Variants in LARGE1 observed in about 807,000 individuals in gnomAD.
LARGE1 encodes the protein LARGE xylosyl- and glucuronyltransferase 1.
In LARGE1, 43 loss-of-function variants were observed where a neutral mutation model predicts 87.6. That is an observed-to-expected ratio of 0.49 (90% CI 0.38 to 0.63). LARGE1 has a LOEUF of 0.63. Ranked by LOEUF, LARGE1 falls within the 30% of genes least tolerant of loss-of-function variation. LARGE1 has a pLI of 0.00. For missense variants in LARGE1, 802 were observed against 1,000.2 expected (o/e 0.80, Z 2.67); for synonymous variants, 434 against 394.6 (o/e 1.10, Z -1.18).
At chr22:33,396,465 G>C (rs1307356033) in intron 7 of LARGE1, among the ~76,000 whole-genome samples, 3 of 112,500 alleles carry the variant, frequency 2.7e-5, no homozygotes, top group Admixed American at 2.4e-4. Flanking sequence ...GAGAGTGACA[G>C]AGAGAGAGAG....
chr22:33,606,184 T>A (rs1294998260), intron 4 of LARGE1, among the ~76,000 whole-genome samples: 1 of 152,098 alleles, frequency 6.6e-6, no homozygotes, highest in East Asian at 1.9e-4. Context: ...GGTGGGTAGA[T>A]AATGAGATCA....
At chr22:33,300,334 T>C (rs760381358) in intron 12 of LARGE1, among the ~76,000 whole-genome samples, 1 of 152,204 alleles carries the variant, frequency 6.6e-6, no homozygotes, top group Non-Finnish European at 1.5e-5. Flanking sequence ...TGGCACATGG[T>C]AAGGGCTCAG....
chr22:33,665,941 A>G (rs945523406), intron 2 of LARGE1, among the ~76,000 whole-genome samples: 4 of 152,184 alleles, frequency 2.6e-5, no homozygotes, highest in African/African-American at 9.7e-5. Flanking sequence ...GGGCTTAAGT[A>G]AAGTTTAAGT....
intron 6 of LARGE1, chr22:33,563,357 C>A (rs1404969059): frequency 6.6e-6 from 1 of 152,208 alleles, no homozygotes; most frequent in African/African-American, 2.4e-5. Flanking sequence ...CTCTCACTGT[C>A]CCCTCATTAC....
chr22:33,601,739 G>A (rs887906638), intron 5 of LARGE1, among the ~76,000 whole-genome samples: 6 of 152,142 alleles, frequency 3.9e-5, no homozygotes, highest in African/African-American at 1.4e-4. Flanking sequence ...AGTAGACATC[G>A]GGTTAGAGGA....
Position 33,304,388 on chromosome 22 carries a change from A to C in LARGE1, c.1571T>G (p.Met524Arg), listed in dbSNP as rs1293099073. 6.2e-7 allele frequency: 1 copy of C among 1,614,282 alleles called. No individual in the cohort carries two copies. The highest frequency in any genetic ancestry group is 8.5e-7 in the Non-Finnish European group (1 of 1,180,052). The change falls in exon 12 of 15, where the codon ATG becomes AGG. Residue 524 changes from methionine to arginine, a missense_variant. Met to Arg is a moderately conservative substitution (Grantham distance 91, BLOSUM62 -1). Coordinates refer to ENST00000397394, the MANE Select transcript of LARGE1 (RefSeq NM_133642.5). ...LRYAQGSEVL[M>R]SRHNVGYHIV... ...GTGGTAGCCCACGTTGTGGCGGCTC[A>C]TAAGCACCTCAGAGCCCTGTGCGTA...
intron 6 of LARGE1, 90 bp from the exon 7 acceptor site, chr22:33,432,355 C>T: frequency 2.2e-6 from 2 of 924,746 alleles, no homozygotes; most frequent in Non-Finnish European, 3.5e-6. Context: ...AATGGCAAAT[C>T]ATCACAACAA....
intron 8 of LARGE1, 93 bp from the exon 9 acceptor site, chr22:33,382,137 C>T (rs889916819): frequency 1.3e-6 from 2 of 1,540,830 alleles, no homozygotes; most frequent in Non-Finnish European, 1.8e-6. Flanking sequence ...TGTGATAGGG[C>T]TTCTCTTGAA....
At chr22:33,146,591 A>G in the LARGE1 span, among the ~76,000 whole-genome samples, 1 of 152,144 alleles carries the variant, frequency 6.6e-6, no homozygotes, top group South Asian at 2.1e-4. Flanking sequence ...GGTGGCTGCA[A>G]CAATCATCTT....
chr22:33,352,240 A>G (rs1052298638), intron 9 of LARGE1, among the ~76,000 whole-genome samples: 22 of 152,134 alleles, frequency 1.4e-4, no homozygotes, highest in Admixed American at 3.9e-4. Context: ...AGACAAACCA[A>G]CTTAAGGGAC....
intron 2 of LARGE1, among the ~76,000 whole-genome samples, chr22:33,691,862 G>A (rs80090939): frequency 6.6e-6 from 1 of 152,158 alleles, no homozygotes; most frequent in Non-Finnish European, 1.5e-5. Context: ...TGGACTCTAG[G>A]AGAGCAGTTC....
rs1938659151 is a variant in LARGE1 at position 33,337,844 on chromosome 22, G to C, written c.1132-43C>G. ...AAGTGGTCAGGTATGGCAGGGGTGG[G>C]GTGGGGATCCCTCACACCTGTAGGA... On this transcript the variant is annotated intron_variant, in intron 9 of 14. Coordinates refer to ENST00000397394, the MANE Select transcript of LARGE1 (RefSeq NM_133642.5). 8 of 1,608,424 alleles carry C rather than the reference G, an allele frequency of 5.0e-6. No individual in the cohort carries two copies. In the East Asian group the frequency reaches 1.8e-4, roughly 36 times the overall value.
intron 1 of LARGE1, among the ~76,000 whole-genome samples, chr22:33,791,684 GATT>G (rs1289739052): frequency 2.6e-5 from 4 of 152,172 alleles, no homozygotes; most frequent in Admixed American, 2.0e-4. Context: ...AAAGAGCAGA[GATT>G]ATTATATAGA....
intron 9 of LARGE1, among the ~76,000 whole-genome samples, chr22:33,376,781 C>T (rs1022390741): frequency 6.6e-6 from 1 of 152,166 alleles, no homozygotes; most frequent in Non-Finnish European, 1.5e-5. Flanking sequence ...AAATTTTTTA[C>T]AGATGTACGA....
intron 9 of LARGE1, among the ~76,000 whole-genome samples, chr22:33,381,382 A>G (rs1465417306): frequency 6.6e-6 from 1 of 152,134 alleles, no homozygotes; most frequent in Non-Finnish European, 1.5e-5. Context: ...CAGAGTGGTG[A>G]TGAAAGCTTT....
chr22:33,146,720 G>A, the LARGE1 span, among the ~76,000 whole-genome samples: 1 of 151,350 alleles, frequency 6.6e-6, no homozygotes. Flanking sequence ...AGACTTTGGG[G>A]AAAAAAAATC....
chr22:33,806,575 C>T (rs1055594506), intron 1 of LARGE1, among the ~76,000 whole-genome samples: 21 of 152,178 alleles, frequency 1.4e-4, no homozygotes, highest in Admixed American at 2.6e-4. Flanking sequence ...CAACTATAAG[C>T]TCCTTGAAAA....
At chr22:33,339,169 A>C (rs1938858447) in intron 9 of LARGE1, among the ~76,000 whole-genome samples, 1 of 151,638 alleles carries the variant, frequency 6.6e-6, no homozygotes, top group African/African-American at 2.4e-5. Context: ...AAAAAAAAAA[A>C]AAAAGAAGAA....
At chr22:33,195,629 A>G (rs1924024120) in intron 11 of LARGE1, among the ~76,000 whole-genome samples, 1 of 152,094 alleles carries the variant, frequency 6.6e-6, no homozygotes, top group Non-Finnish European at 1.5e-5. Context: ...TTTGAATTAA[A>G]TGAAAATGCA....
Sources: gnomAD v4.1 joint callset for allele counts (sites outside exome capture counted in the v4.1 genomes callset) on GRCh38, gnomAD v4.1.1 for gene constraint, MANE v1.5 for transcripts, NCBI Gene and HGNC (gene_info 2026-07-23, HGNC 2026-07-21) for gene names.